The following PHKA2 variants were observed in gnomAD, a reference collection of about 807,000 sequenced individuals.
The protein encoded by PHKA2 is phosphorylase kinase regulatory subunit alpha 2, also known as phosphorylase b kinase regulatory subunit alpha, liver isoform.
PHKA2 carries 31 observed loss-of-function variants against 102.0 expected under a neutral mutation model. The ratio of observed to expected loss-of-function variants is 0.30; its 90% CI spans 0.23 to 0.41. The LOEUF (loss-of-function observed/expected upper bound fraction) is 0.41, where lower values mean the gene tolerates loss of function less well. Among genes scored for constraint, PHKA2 ranks in the 10% least tolerant of loss-of-function variants. The pLI is 1.00. For missense variants in PHKA2, 858 were observed against 1,023.1 expected (o/e 0.84, Z 2.20); for synonymous variants, 455 against 416.2 (o/e 1.09, Z -1.13).
intron 9 of PHKA2, 75 bp downstream of exon 9, chrX:18,939,920 A>G: frequency 2.8e-6 from 2 of 705,480 alleles, no homozygotes; most frequent in East Asian, 3.2e-5. Flanking sequence ...TATAATCAGC[A>G]GAGGGAGAAC....
At chrX:18,959,842 G>A (rs903472490) in intron 1 of PHKA2, among the ~76,000 whole-genome samples, 2 of 111,413 alleles carry the variant, frequency 1.8e-5, no homozygotes, top group South Asian at 3.8e-4. Flanking sequence ...CGGTCTTAGT[G>A]GAGATAGCCT....
rs201660525 is a variant in PHKA2 at position 18,957,739 on chromosome X, TA to T, written c.79-3328del. ...TTCCTATGTGTTACTAAAACCAGAT[TA>T]TATATATATATATATATATAATTGT... On this transcript the variant is annotated intron_variant, in intron 1 of 32. Transcript: ENST00000379942. 7.0e-3 allele frequency among the ~76,000 whole-genome samples: 598 copies of T among 85,933 alleles called. 11 individuals carry two copies. The highest frequency in any genetic ancestry group is 0.033 in the African/African-American group (564 of 16,930). 74.6% of individuals were successfully genotyped at this position (85,933 alleles called of 115,157 possible). A position where few individuals can be genotyped will look rare whatever the true frequency, so the allele number is the denominator to read the frequency against.
chrX:18,934,801 T>C (rs1381427432), intron 11 of PHKA2, among the ~76,000 whole-genome samples: 1 of 110,327 alleles, frequency 9.1e-6, no homozygotes, highest in African/African-American at 3.2e-5. Context: ...ACTGTGTAGA[T>C]ACTTCCATCA....
Position 18,896,645 on chromosome X carries a change from C to G in PHKA2, c.3282+518G>C, listed in dbSNP as rs750530132. 4 of 167,321 alleles carry G rather than the reference C, an allele frequency of 2.4e-5. No homozygotes were observed. The East Asian group carries it at 6.4e-4, about 27-fold the overall frequency. The allele number at this position is 167,321 out of a possible 1,213,427, so 13.8% of individuals were successfully genotyped here. A position where few individuals can be genotyped will look rare whatever the true frequency, so the allele number is the denominator to read the frequency against. On this transcript the variant is annotated intron_variant, in intron 30 of 32. Transcript: ENST00000379942. ...GGGACACTACTCCTGCCTGGATGTG[C>G]GGGAGGCTGGGGGGCTGGCCTACTC...
intron 31 of PHKA2, 27 bp downstream of exon 31, chrX:18,895,111 C>T: frequency 1.7e-6 from 2 of 1,195,555 alleles, no homozygotes; most frequent in African/African-American, 1.7e-5. Context: ...CACAGAGGGG[C>T]CCGCCTCTGC....
chrX:18,919,034 G>C (rs2048068921), intron 18 of PHKA2, among the ~76,000 whole-genome samples, 180 bp from the exon 19 acceptor site: 1 of 111,485 alleles, frequency 9.0e-6, no homozygotes. Context: ...CAGAGATAAT[G>C]TATGTGTGTA....
chrX:18,970,106 G>GC (rs904245578), intron 1 of PHKA2, among the ~76,000 whole-genome samples: 1 of 111,393 alleles, frequency 9.0e-6, no homozygotes, highest in Admixed American at 9.6e-5. Context: ...AGGTGTGGAG[G>GC]CATGTGCCTG....
chrX:18,983,156 T>C (rs2049201497), intron 1 of PHKA2, among the ~76,000 whole-genome samples: 1 of 112,280 alleles, frequency 8.9e-6, no homozygotes, highest in Admixed American at 9.4e-5. Context: ...GCAAGAAACA[T>C]AGCTGCTGTC....
At chrX:18,921,260 C>T (rs968251113) in intron 17 of PHKA2, among the ~76,000 whole-genome samples, 13 of 111,399 alleles carry the variant, frequency 1.2e-4, no homozygotes, top group African/African-American at 3.9e-4. Context: ...TGAAACCCCT[C>T]TCTACTAAAA....
chrX:18,943,856 T>A, intron 6 of PHKA2, 48 bp from the exon 7 acceptor site: 3 of 857,720 alleles, frequency 3.5e-6, no homozygotes, highest in Non-Finnish European at 5.2e-6. Context: ...AAACATACAC[T>A]CCAATATCTG....
At position 18,926,237 on chromosome X, in the gene PHKA2, C is replaced by T. The variant is rs374056233; in HGVS notation, c.1459+216G>A. Among the ~76,000 whole-genome samples the T allele has an allele frequency of 4.4e-4, 50 of 112,564 alleles. 1 individual carries two copies. The highest frequency in any genetic ancestry group is 1.6e-3 in the African/African-American group (50 of 31,042). ...GTGGCTCCTTATTTTACAACAGATC[C>T]GGCGAATGCTTGGCCACCTGTGACG... On this transcript the variant is annotated intron_variant, in intron 14 of 32. Coordinates refer to ENST00000379942, the MANE Select transcript of PHKA2 (RefSeq NM_000292.3).
rs969364573 is a variant in PHKA2 at position 18,940,135 on chromosome X, A to G, written c.865-87T>C. 8.3e-5 allele frequency: 51 copies of G among 613,811 alleles called. No homozygotes were observed. The Middle Eastern group carries it at 9.2e-4, about 11-fold the overall frequency. 50.6% of individuals were successfully genotyped at this position (613,811 alleles called of 1,213,427 possible). ...CAGCCCTGCACCCTCTTTCCCATGA[A>G]TCTTTTAGTAATGAATTTTATACCA... On this transcript the variant is annotated intron_variant, in intron 8 of 32. Coordinates refer to ENST00000379942, the MANE Select transcript of PHKA2 (RefSeq NM_000292.3).
intron 9 of PHKA2, among the ~76,000 whole-genome samples, chrX:18,939,597 C>T (rs1025559961): frequency 8.9e-6 from 1 of 112,178 alleles, no homozygotes; most frequent in South Asian, 3.7e-4. Context: ...GGGTTCACGC[C>T]TTTCTCCTGC....
chrX:18,980,473 T>G (rs1012077684), intron 1 of PHKA2, among the ~76,000 whole-genome samples: 24 of 113,031 alleles, frequency 2.1e-4, no homozygotes, highest in African/African-American at 7.7e-4. Flanking sequence ...TGCTGCTCTG[T>G]TACTCTTTAC....
rs746319567 is a variant in PHKA2 at position 18,926,505 on chromosome X, A to G, written c.1407T>C (p.His469=). Residue 469 remains histidine (H), a synonymous_variant, in exon 14 of 33, where the codon CAT becomes CAC. Transcript: ENST00000379942. ...TCCGGCCCGGCTGGACTTGAATTGGATGAATGTCCGCGATACTCTGGACGT... is the reference window on the plus strand; with the variant it reads ...TCCGGCCCGGCTGGACTTGAATTGGGTGAATGTCCGCGATACTCTGGACGT... ...GVNVQSIADI[H]PIQVQPGRIL... 2 of 1,196,835 alleles carry G rather than the reference A, an allele frequency of 1.7e-6. No individual in the cohort carries two copies. Among genetic ancestry groups the G allele is most frequent in the African/African-American group, 3.5e-5 (2 of 57,103 alleles).
chrX:18,913,699 A>G (rs1403725791), intron 19 of PHKA2, among the ~76,000 whole-genome samples: 3 of 112,427 alleles, frequency 2.7e-5, no homozygotes, highest in Non-Finnish European at 5.6e-5. Context: ...GCCGGCCCAC[A>G]AAAATATTTT....
At chrX:18,962,405 CAT>C (rs777922978) in intron 1 of PHKA2, among the ~76,000 whole-genome samples, 188 of 112,121 alleles carry the variant, frequency 1.7e-3, no homozygotes, top group Non-Finnish European at 2.8e-3. Context: ...ATTGGGCTCA[CAT>C]GTTTCATAAA....
At position 18,963,388 on chromosome X, in the gene PHKA2, C is replaced by G. The variant is rs1036036903; in HGVS notation, c.79-8976G>C. Among the ~76,000 whole-genome samples, 5 of 112,113 alleles carry G rather than the reference C, an allele frequency of 4.5e-5. No homozygotes were observed. The East Asian group carries it at 8.5e-4, about 19-fold the overall frequency. The stretch of plus-strand genomic sequence containing the variant: ...GGCTGCCACTCTAGAAGACTATCAC[C>G]TGCAGCTCCCAGGGATACCTCTGTC... On this transcript the variant is annotated intron_variant, in intron 1 of 32. Coordinates refer to ENST00000379942, the MANE Select transcript of PHKA2 (RefSeq NM_000292.3).
Position 18,893,111 on chromosome X carries a change from A to G in PHKA2, c.*374T>C, listed in dbSNP as rs1340345199. 3.9e-6 allele frequency: 1 copy of G among 253,575 alleles called. No homozygotes were observed. Among genetic ancestry groups the G allele is most frequent in the Non-Finnish European group, 7.2e-6 (1 of 138,445 alleles). The allele number at this position is 253,575 out of a possible 1,213,427, so 20.9% of individuals were successfully genotyped here. A position where few individuals can be genotyped will look rare whatever the true frequency, so the allele number is the denominator to read the frequency against. ...TTTAGGATGTGTCACTAGCTCATCG[A>G]AACTATTTCTGTAACTCTCTGCAAG... On this transcript the variant is annotated 3_prime_UTR_variant, in exon 33 of 33. Coordinates refer to ENST00000379942, the MANE Select transcript of PHKA2 (RefSeq NM_000292.3).
Sources: allele counts gnomAD v4.1 joint callset (sites outside exome capture counted in the v4.1 genomes callset), GRCh38; gene constraint gnomAD v4.1.1; transcripts MANE v1.5; gene names NCBI Gene and HGNC (gene_info 2026-07-23, HGNC 2026-07-21).